IGFBP7: variants seen among roughly 807,000 people sequenced by gnomAD.
IGFBP7 encodes insulin like growth factor binding protein 7.
In IGFBP7, 31 loss-of-function variants were observed where a neutral mutation model predicts 29.4. The observed-to-expected ratio is 1.05, with a 90% CI of 0.79 to 1.42. The LOEUF (loss-of-function observed/expected upper bound fraction) is 1.42. IGFBP7 is among the 40% of genes most tolerant of loss of function. The pLI, the probability that IGFBP7 is intolerant of heterozygous loss-of-function variation, is 0.00. For synonymous variants in IGFBP7, 172 were observed against 174.9 expected (o/e 0.98, Z 0.13); for missense variants, 393 against 395.5 (o/e 0.99, Z 0.05).
chr4:57,036,158 G>A (rs571474142), intron 2 of IGFBP7, among the ~76,000 whole-genome samples: 2 of 152,298 alleles, frequency 1.3e-5, no homozygotes, highest in East Asian at 3.9e-4. Context: ...AGTATTTGTT[G>A]AGAAAAGCGA....
At chr4:57,084,728 G>T (rs758246202) in intron 1 of IGFBP7, among the ~76,000 whole-genome samples, 10 of 148,738 alleles carry the variant, frequency 6.7e-5, no homozygotes, top group African/African-American at 2.5e-4. Context: ...ATGATCTGAT[G>T]ATAATGTAAT....
At position 57,030,946 on chromosome 4, in the gene IGFBP7, A is replaced by G. The variant is rs1401535156; in HGVS notation, c.*371T>C. ...ACGCATGCAAACTATTGTTTCAGGAACTTATGTCTATGAGTATTGCACCGC... is the reference window on the plus strand; with the variant it reads ...ACGCATGCAAACTATTGTTTCAGGAGCTTATGTCTATGAGTATTGCACCGC... On this transcript the variant is annotated 3_prime_UTR_variant, in exon 5 of 5. Coordinates refer to ENST00000295666, the MANE Select transcript of IGFBP7 (RefSeq NM_001553.3). 1 of 1,609,484 alleles carries G rather than the reference A, an allele frequency of 6.2e-7. No individual in the cohort carries two copies. Among genetic ancestry groups the G allele is most frequent in the East Asian group, 2.2e-5 (1 of 44,840 alleles).
intron 1 of IGFBP7, among the ~76,000 whole-genome samples, chr4:57,090,056 C>T (rs1453497142): frequency 1.3e-5 from 2 of 152,230 alleles, no homozygotes; most frequent in Non-Finnish European, 2.9e-5. Flanking sequence ...ACTCCCTGTT[C>T]TACAAGCAAA....
intron 1 of IGFBP7, among the ~76,000 whole-genome samples, chr4:57,074,394 T>C (rs555348796): frequency 2.4e-4 from 36 of 151,844 alleles, no homozygotes; most frequent in African/African-American, 8.5e-4. Flanking sequence ...ATAAAAACAT[T>C]CCCCCCACCC....
intron 1 of IGFBP7, among the ~76,000 whole-genome samples, chr4:57,103,685 G>T (rs1725956568): frequency 9.9e-6 from 1 of 101,008 alleles, no homozygotes; most frequent in Admixed American, 1.4e-4. Flanking sequence ...TTGAGGCAGG[G>T]TCTTGCCCTG....
At chr4:57,054,081 C>T (rs1454255765) in intron 1 of IGFBP7, among the ~76,000 whole-genome samples, 1 of 152,028 alleles carries the variant, frequency 6.6e-6, no homozygotes, top group East Asian at 1.9e-4. Context: ...GGAGTCCAAG[C>T]TCAAGCCATC....
rs148828116 is a variant in IGFBP7 at position 57,086,140 on chromosome 4, T to A, written c.475+23737A>T. Among the ~76,000 whole-genome samples, 40 of 152,294 alleles carry A rather than the reference T, an allele frequency of 2.6e-4. 3 individuals are homozygous for A. The highest frequency in any genetic ancestry group is 9.4e-4 in the African/African-American group (39 of 41,568). Reference sequence around the variant, plus strand: ...AGGAGCAAAGGTACATCTTACATGGTGTCAGGCAAGAGAGCATGCAGAGGG... The same window carrying A: ...AGGAGCAAAGGTACATCTTACATGGAGTCAGGCAAGAGAGCATGCAGAGGG... On this transcript the variant is annotated intron_variant, in intron 1 of 4. Coordinates refer to ENST00000295666, the MANE Select transcript of IGFBP7 (RefSeq NM_001553.3).
chr4:57,107,905 A>G (rs1726073696), intron 1 of IGFBP7, among the ~76,000 whole-genome samples: 4 of 152,208 alleles, frequency 2.6e-5, no homozygotes, highest in Admixed American at 2.6e-4. Flanking sequence ...GCAGGTGAGA[A>G]AAAGGAATAT....
At chr4:57,032,176 G>T in intron 4 of IGFBP7, 2 of 920,122 alleles carry the variant, frequency 2.2e-6, no homozygotes, top group Non-Finnish European at 2.9e-6. Flanking sequence ...TTCCAGGCAA[G>T]TTTGATTTTG....
Position 57,030,786 on chromosome 4 carries a change from C to A in IGFBP7, c.*531G>T. On this transcript the variant is annotated 3_prime_UTR_variant, in exon 5 of 5. Coordinates refer to ENST00000295666, the MANE Select transcript of IGFBP7 (RefSeq NM_001553.3). ...GAGGTAGCAGAATGTGTGTTCTCAG[C>A]TCCACTCATTTATTCATTATCTACA... The A allele has an allele frequency of 1.5e-6, 1 of 669,934 alleles. No individual in the cohort carries two copies. The highest frequency in any genetic ancestry group is 2.7e-6 in the Non-Finnish European group (1 of 367,630). The allele number at this position is 669,934 out of a possible 1,614,324, so 41.5% of individuals were successfully genotyped here. A position where few individuals can be genotyped will look rare whatever the true frequency, so the allele number is the denominator to read the frequency against.
intron 2 of IGFBP7, among the ~76,000 whole-genome samples, chr4:57,039,596 C>A (rs190616921): frequency 1.8e-4 from 27 of 151,988 alleles, no homozygotes; most frequent in Admixed American, 1.4e-3. Context: ...GGCTGAGAAA[C>A]CCTGACTTGC....
intron 1 of IGFBP7, among the ~76,000 whole-genome samples, chr4:57,077,747 C>G (rs762681066): frequency 6.6e-6 from 1 of 152,178 alleles, no homozygotes; most frequent in African/African-American, 2.4e-5. Context: ...AGAACTGCCG[C>G]GTCACTCACA....
intron 1 of IGFBP7, among the ~76,000 whole-genome samples, chr4:57,081,111 C>A (rs1725356417): frequency 1.3e-5 from 2 of 152,192 alleles, no homozygotes; most frequent in Non-Finnish European, 2.9e-5. Flanking sequence ...AGATCCCAAC[C>A]TGGGTACTTA....
intron 1 of IGFBP7, among the ~76,000 whole-genome samples, chr4:57,074,153 C>G (rs578206922): frequency 6.6e-6 from 1 of 152,130 alleles, no homozygotes; most frequent in Non-Finnish European, 1.5e-5. Context: ...CTCCACCTCC[C>G]AAGTTCAAGC....
intron 2 of IGFBP7, among the ~76,000 whole-genome samples, chr4:57,039,065 C>CAAAAAAAAAAAAAAAAAAAAAAAAAAA (rs71208974): frequency 9.4e-6 from 1 of 106,458 alleles, no homozygotes. Flanking sequence ...AACTATGTCT[C>CAAAAAAAAAAAAAAAAAAAAAAAAAAA]AAAAAAAAAA....
chr4:57,086,204 TACTC>T (rs1221784139), intron 1 of IGFBP7, among the ~76,000 whole-genome samples: 4 of 152,168 alleles, frequency 2.6e-5, no homozygotes, highest in African/African-American at 9.7e-5. Flanking sequence ...TCGTGAGACT[TACTC>T]ACTGTCATGA....
chr4:57,064,463 T>C (rs1267241418), intron 1 of IGFBP7, among the ~76,000 whole-genome samples: 1 of 152,252 alleles, frequency 6.6e-6, no homozygotes, highest in Non-Finnish European at 1.5e-5. Context: ...GCCTCAGTTA[T>C]ACAAAGATGT....
At chr4:57,100,881 T>C (rs1725881976) in intron 1 of IGFBP7, among the ~76,000 whole-genome samples, 1 of 152,234 alleles carries the variant, frequency 6.6e-6, no homozygotes. Flanking sequence ...TTACCACCTG[T>C]GTGATGTCTG....
chr4:57,078,484 T>TA (rs558252416), intron 1 of IGFBP7, among the ~76,000 whole-genome samples: 3,315 of 142,986 alleles, frequency 0.023, 114 homozygotes, highest in African/African-American at 0.078. Flanking sequence ...CAAACTTGTC[T>TA]AAAAAAAAAA....
Sources: gnomAD v4.1 joint callset for allele counts (sites outside exome capture counted in the v4.1 genomes callset) on GRCh38, gnomAD v4.1.1 for gene constraint, MANE v1.5 for transcripts, NCBI Gene and HGNC (gene_info 2026-07-23, HGNC 2026-07-21) for gene names.